Variants in DPY19L1 observed in about 807,000 individuals in gnomAD.
DPY19L1 encodes protein C-mannosyl-transferase DPY19L1.
In DPY19L1, 35 loss-of-function variants were observed where a neutral mutation model predicts 96.9. The observed-to-expected ratio is 0.36, with a 90% CI of 0.28 to 0.48. The LOEUF (loss-of-function observed/expected upper bound fraction) is 0.48, where lower values mean the gene tolerates loss of function less well. Ranked by LOEUF, DPY19L1 falls within the 20% of genes least tolerant of loss-of-function variation. The pLI is 0.99. For synonymous variants in DPY19L1, 205 were observed against 252.6 expected (o/e 0.81, Z 1.79); for missense variants, 521 against 777.9 (o/e 0.67, Z 3.93).
At chr7:34,946,310 C>T (rs1324159212) in intron 15 of DPY19L1, among the ~76,000 whole-genome samples, 1 of 152,200 alleles carries the variant, frequency 6.6e-6, no homozygotes, top group Non-Finnish European at 1.5e-5. Context: ...TAACACTTTC[C>T]TTATCAGTCG....
chr7:35,008,200 C>T (rs944695270), intron 6 of DPY19L1, among the ~76,000 whole-genome samples: 1 of 152,198 alleles, frequency 6.6e-6, no homozygotes, highest in Non-Finnish European at 1.5e-5. Context: ...GTTCTAAGCA[C>T]TTAATTTTTC....
rs1161447860 is a variant in DPY19L1, at chr7:34,974,238, A to G, written c.823-633T>C. On this transcript the variant is annotated intron_variant, in intron 7 of 21. Transcript: ENST00000638088. ...GTACTATCACAGTTGTAATAATGTC[A>G]TTTTACTGTATATAGACTAAACATA... Among the ~76,000 whole-genome samples, 6 of 152,166 alleles carry G rather than the reference A, an allele frequency of 3.9e-5. No individual in the cohort carries two copies. In the East Asian group the frequency reaches 9.6e-4, roughly 24 times the overall value.
chr7:34,972,239 T>A (rs1340017346), intron 8 of DPY19L1, among the ~76,000 whole-genome samples: 3 of 152,134 alleles, frequency 2.0e-5, no homozygotes, highest in African/African-American at 4.8e-5. Context: ...GCACCTCCAA[T>A]ACCCTGATTT....
intron 3 of DPY19L1, among the ~76,000 whole-genome samples, chr7:35,014,787 T>C (rs1785802496): frequency 6.6e-6 from 1 of 152,028 alleles, no homozygotes; most frequent in Non-Finnish European, 1.5e-5. Flanking sequence ...CAAGTTAAGA[T>C]GAGGTCATAT....
intron 3 of DPY19L1, among the ~76,000 whole-genome samples, chr7:35,014,101 TCTAA>T (rs1421064737): frequency 5.3e-5 from 8 of 152,256 alleles, no homozygotes; most frequent in Admixed American, 2.6e-4. Flanking sequence ...AAAATACTCC[TCTAA>T]CTGCTTATTT....
chr7:34,973,276 A>C (rs1324246164), intron 8 of DPY19L1, among the ~76,000 whole-genome samples: 2 of 152,204 alleles, frequency 1.3e-5, no homozygotes, highest in Non-Finnish European at 2.9e-5. Context: ...GAGAAGTGAA[A>C]GCAATTTGTT....
rs1328875429 is a variant in DPY19L1 at position 34,995,174 on chromosome 7, T to C, written c.765-5233A>G. 2.0e-5 allele frequency among the ~76,000 whole-genome samples: 3 copies of C among 152,314 alleles called. No homozygotes were observed. The East Asian group carries it at 5.8e-4, about 29-fold the overall frequency. ...AACAAATCTAAAATGGTGTTCTCCA[T>C]GTCCACCCTCTCGCCCCAATCCATA... On this transcript the variant is annotated intron_variant, in intron 6 of 21. Transcript: ENST00000638088.
intron 3 of DPY19L1, among the ~76,000 whole-genome samples, chr7:35,015,315 T>G (rs1785817337): frequency 6.6e-6 from 1 of 152,226 alleles, no homozygotes; most frequent in Admixed American, 6.5e-5. Context: ...CCTAGTGGAC[T>G]ATATCCTAAG....
intron 6 of DPY19L1, among the ~76,000 whole-genome samples, chr7:35,005,565 G>C (rs768539510): frequency 6.6e-6 from 1 of 150,514 alleles, no homozygotes; most frequent in Non-Finnish European, 1.5e-5. Context: ...TTGGGAGGCC[G>C]GGGTGGGTGG....
chr7:35,015,188 A>G (rs970993901), intron 3 of DPY19L1, among the ~76,000 whole-genome samples: 52 of 152,216 alleles, frequency 3.4e-4, no homozygotes, highest in African/African-American at 1.2e-3. Flanking sequence ...TAATTATAAA[A>G]CAAAAATTTA....
chr7:34,957,797 T>C (rs566663251), intron 11 of DPY19L1, among the ~76,000 whole-genome samples, 187 bp downstream of exon 11: 15 of 146,684 alleles, frequency 1.0e-4, no homozygotes, highest in African/African-American at 3.7e-4. Flanking sequence ...GAAATGATAC[T>C]AATTTTTCCT....
intron 19 of DPY19L1, 71 bp downstream of exon 19, chr7:34,940,082 G>A (rs1783965400): frequency 3.8e-6 from 5 of 1,332,968 alleles, no homozygotes; most frequent in Non-Finnish European, 4.0e-6. Context: ...TTAAGAGTTT[G>A]CAGTGGTATA....
intron 4 of DPY19L1, among the ~76,000 whole-genome samples, chr7:35,013,315 T>C (rs1785759429): frequency 6.6e-6 from 1 of 152,172 alleles, no homozygotes; most frequent in Non-Finnish European, 1.5e-5. Context: ...GTATAATCCC[T>C]GTAAGCACAC....
At chr7:35,036,085 C>A (rs1227704846) in intron 1 of DPY19L1, among the ~76,000 whole-genome samples, 1 of 152,112 alleles carries the variant, frequency 6.6e-6, no homozygotes, top group East Asian at 1.9e-4. Context: ...GACTGAGTGG[C>A]TTTTATTTGT....
intron 6 of DPY19L1, chr7:35,000,761 GA>G (rs1257285201): frequency 6.6e-6 from 1 of 152,136 alleles, no homozygotes; most frequent in Non-Finnish European, 1.5e-5. Context: ...AAAGAGAACG[GA>G]AAGTCTAGAT....
chr7:34,957,809 G>GT (rs3214544), intron 11 of DPY19L1, among the ~76,000 whole-genome samples, 175 bp downstream of exon 11: 51 of 149,788 alleles, frequency 3.4e-4, no homozygotes, highest in South Asian at 2.1e-3. Context: ...ATTTTTCCTT[G>GT]TTTTTTTTTT....
chr7:34,990,603 G>A (rs1785146609), intron 6 of DPY19L1, among the ~76,000 whole-genome samples: 1 of 152,154 alleles, frequency 6.6e-6, no homozygotes, highest in Admixed American at 6.5e-5. Flanking sequence ...ATAACTCTAG[G>A]TAAGAAATTA....
chr7:34,940,394 T>C, intron 18 of DPY19L1, 67 bp from the exon 19 acceptor site: 2 of 1,397,026 alleles, frequency 1.4e-6, no homozygotes, highest in Non-Finnish European at 1.9e-6. Flanking sequence ...TATGCAAAAC[T>C]TCTTCCCAGA....
chr7:34,959,537 A>G (rs568088888), intron 10 of DPY19L1, among the ~76,000 whole-genome samples: 2 of 152,282 alleles, frequency 1.3e-5, no homozygotes, highest in South Asian at 4.2e-4. Flanking sequence ...TGCAGCTATA[A>G]AAAAGGATGA....
Sources: gnomAD v4.1 joint callset for allele counts (sites outside exome capture counted in the v4.1 genomes callset) on GRCh38, gnomAD v4.1.1 for gene constraint, MANE v1.5 for transcripts, NCBI Gene and HGNC (gene_info 2026-07-23, HGNC 2026-07-21) for gene names.